The following ATP8B1 variants were observed in gnomAD, a reference collection of about 807,000 sequenced individuals.
ATP8B1 encodes the protein ATPase phospholipid transporting 8B1, also known as phospholipid-transporting ATPase IC.
ATP8B1 carries 80 observed loss-of-function variants against 149.9 expected under a neutral mutation model. The ratio of observed to expected loss-of-function variants is 0.53; its 90% confidence interval spans 0.45 to 0.64. ATP8B1 has a LOEUF of 0.64. ATP8B1 is among the 30% of genes least tolerant of loss of function. The pLI is 0.00. For synonymous variants in ATP8B1, 536 were observed against 562.8 expected, an observed-to-expected ratio of 0.95 and a Z score of 0.67; for missense variants, 1,247 against 1,552.6, an observed-to-expected ratio of 0.80 and a Z score of 3.31.
chr18:57,659,892 A>G (rs923173666), intron 22 of ATP8B1: 1 of 152,220 alleles, frequency 6.6e-6, no homozygotes, highest in Non-Finnish European at 1.5e-5. Flanking sequence ...CATTTAAGCA[A>G]CCCAGCATCA....
chr18:57,665,725 G>A (rs1222796021), intron 20 of ATP8B1, among the ~76,000 whole-genome samples: 1 of 151,972 alleles, frequency 6.6e-6, no homozygotes, highest in African/African-American at 2.4e-5. Flanking sequence ...GCTAATTTTT[G>A]TATTTTTAGT....
chr18:57,715,976 C>T (rs184100640), intron 2 of ATP8B1, among the ~76,000 whole-genome samples: 46 of 152,238 alleles, frequency 3.0e-4, no homozygotes, highest in African/African-American at 7.5e-4. Flanking sequence ...GTAAACTACT[C>T]TTCAGTAAAA....
chr18:57,742,642 G>A (rs187206275), intron 1 of ATP8B1, among the ~76,000 whole-genome samples: 146 of 152,076 alleles, frequency 9.6e-4, no homozygotes, highest in African/African-American at 3.4e-3. Context: ...GACGAGTCTG[G>A]GCAATATGGC....
chr18:57,759,791 C>T (rs1326565073), intron 1 of ATP8B1, among the ~76,000 whole-genome samples: 1 of 151,354 alleles, frequency 6.6e-6, no homozygotes, highest in Non-Finnish European at 1.5e-5. Context: ...TGCACTCCAG[C>T]CTGGGAGACA....
chr18:57,672,225 G>GGTA (rs1911251240), intron 16 of ATP8B1, among the ~76,000 whole-genome samples: 1 of 152,086 alleles, frequency 6.6e-6, no homozygotes, highest in South Asian at 2.1e-4. Flanking sequence ...CCAACCAACA[G>GGTA]GTAGTTTCTC....
intron 1 of ATP8B1, among the ~76,000 whole-genome samples, chr18:57,744,322 A>AAAAG (rs1568050767): frequency 6.6e-6 from 1 of 151,024 alleles, no homozygotes; most frequent in African/African-American, 2.4e-5. Flanking sequence ...AAAAAAAAAA[A>AAAAG]AAAGAAAGAA....
intron 1 of ATP8B1, among the ~76,000 whole-genome samples, chr18:57,756,120 A>G (rs1197228210): frequency 6.7e-6 from 1 of 149,250 alleles, no homozygotes; most frequent in African/African-American, 2.5e-5. Flanking sequence ...TTTTTCCTCT[A>G]GCACAGGATC....
chr18:57,790,877 C>T (rs2080457788), intron 1 of ATP8B1, among the ~76,000 whole-genome samples: 1 of 152,080 alleles, frequency 6.6e-6, no homozygotes, highest in African/African-American at 2.4e-5. Flanking sequence ...CGCACCACCA[C>T]ACCTGGCTAA....
intron 1 of ATP8B1, among the ~76,000 whole-genome samples, chr18:57,797,834 G>A (rs1206662816): frequency 6.6e-6 from 1 of 150,644 alleles, no homozygotes; most frequent in Non-Finnish European, 1.5e-5. Context: ...AGCCTCCTGA[G>A]TAGCTGGGAC....
intron 1 of ATP8B1, among the ~76,000 whole-genome samples, chr18:57,739,209 G>A (rs2123196959): frequency 1.3e-5 from 2 of 152,174 alleles, no homozygotes; most frequent in Middle Eastern, 6.8e-3. Flanking sequence ...TGTTGGTCAG[G>A]CTGGTCTCGA....
intron 1 of ATP8B1, among the ~76,000 whole-genome samples, chr18:57,785,149 T>C (rs144188643): frequency 2.6e-5 from 4 of 152,320 alleles, no homozygotes; most frequent in African/African-American, 4.8e-5. Context: ...TAGAAAACAA[T>C]TGGAGTTATA....
chr18:57,753,322 G>A (rs1047098005), intron 1 of ATP8B1, among the ~76,000 whole-genome samples: 8 of 152,254 alleles, frequency 5.3e-5, no homozygotes, highest in Non-Finnish European at 1.2e-4. Flanking sequence ...AATATGGAAA[G>A]AGAGGAAGTG....
At position 57,647,509 on chromosome 18, in the gene ATP8B1, C is replaced by G. The variant is rs1909250518; in HGVS notation, c.*979G>C. ...AACACTGATAAGTCATTTGTCATTA[C>G]TATAAATTTTAAAATCTGTTAATAA... On this transcript the variant is annotated 3_prime_UTR_variant, in exon 28 of 28. Coordinates refer to ENST00000648908, the MANE Select transcript of ATP8B1 (RefSeq NM_001374385.1). The G allele has an allele frequency of 1.3e-5, 2 of 152,204 alleles. No homozygotes were observed. Among genetic ancestry groups the G allele is most frequent in the Non-Finnish European group, 2.9e-5 (2 of 67,996 alleles). The allele number at this position is 152,204 out of a possible 1,614,324, so 9.4% of individuals were successfully genotyped here.
At chr18:57,671,354 T>C (rs2122723683) in intron 17 of ATP8B1, 114 bp downstream of exon 17, 2 of 937,344 alleles carry the variant, frequency 2.1e-6, no homozygotes, top group East Asian at 5.2e-5. Context: ...ACCCCAACTA[T>C]TGCAAAGCAA....
At chr18:57,758,595 C>T (rs1055206099) in intron 1 of ATP8B1, among the ~76,000 whole-genome samples, 3 of 146,768 alleles carry the variant, frequency 2.0e-5, no homozygotes, top group African/African-American at 7.6e-5. Context: ...TTGTGGTGAG[C>T]CAAGATCGTG....
chr18:57,789,447 T>A (rs944091981), intron 1 of ATP8B1, among the ~76,000 whole-genome samples: 14 of 152,194 alleles, frequency 9.2e-5, no homozygotes, highest in African/African-American at 3.4e-4. Context: ...ACCACGGGAC[T>A]AAGTGGGTCA....
intron 6 of ATP8B1, among the ~76,000 whole-genome samples, chr18:57,698,846 C>A (rs983287973): frequency 2.0e-5 from 3 of 152,220 alleles, no homozygotes; most frequent in African/African-American, 7.2e-5. Flanking sequence ...CATTCCCTCG[C>A]TAAAGTGAAT....
At chr18:57,658,597 C>T (rs317827) in intron 22 of ATP8B1, among the ~76,000 whole-genome samples, 46,702 of 151,568 alleles carry the variant, frequency 0.31, 7,295 homozygotes, top group East Asian at 0.4. Flanking sequence ...TGAATAATTT[C>T]ACTCGACTAC....
intron 2 of ATP8B1, among the ~76,000 whole-genome samples, chr18:57,715,397 T>C (rs1373514025): frequency 1.3e-5 from 2 of 152,020 alleles, no homozygotes; most frequent in Non-Finnish European, 1.5e-5. Flanking sequence ...AAAGCAAATC[T>C]AAGAGTTATT....
Sources: allele counts gnomAD v4.1 joint callset (sites outside exome capture counted in the v4.1 genomes callset), GRCh38; gene constraint gnomAD v4.1.1; transcripts MANE v1.5; gene names NCBI Gene and HGNC (gene_info 2026-07-23, HGNC 2026-07-21).